TEAD2: variants seen among roughly 807,000 people sequenced by gnomAD.
TEAD2 encodes transcriptional enhancer factor TEF-4.
TEAD2 carries 51 observed loss-of-function variants against 61.4 expected under a neutral mutation model. That is an observed-to-expected ratio of 0.83 (90% CI 0.66 to 1.05). The LOEUF (loss-of-function observed/expected upper bound fraction) is 1.05, where lower values mean the gene tolerates loss of function less well. Among genes scored for constraint, TEAD2 ranks in the 50% least tolerant of loss-of-function variants. The pLI is 0.00. For synonymous variants in TEAD2, 244 were observed against 243.2 expected (o/e 1.00, Z -0.03); for missense variants, 509 against 600.0 (o/e 0.85, Z 1.58).
At chr19:49,355,497 G>A (rs991650994) in intron 5 of TEAD2, 78 bp from the exon 6 acceptor site, 18 of 1,256,142 alleles carry the variant, frequency 1.4e-5, no homozygotes, top group Non-Finnish European at 2.0e-5. Flanking sequence ...CCAGGGTGGG[G>A]TGAAGACGGG....
chr19:49,355,006 A>AATACATAC (rs1185618239), intron 7 of TEAD2, 142 bp downstream of exon 7: 14 of 540,026 alleles, frequency 2.6e-5, no homozygotes, highest in Admixed American at 2.4e-4. Context: ...CATGTCAATA[A>AATACATAC]ATACATACAT....
Position 49,347,343 on chromosome 19 carries a change from C to T in TEAD2, c.768G>A (p.Val256=). The change falls in exon 10 of 13, where the codon GTG becomes GTA. Residue 256 remains valine (V), a synonymous_variant. Transcript: ENST00000593945. ...GGCTGGGGCAGTGCTGGCTGATGTG[C>T]ACGAACAGGTGCCTCTGGTACTGAG... is the stretch of plus-strand genomic sequence containing the variant. ...AVDSYQRHLF[V]HISQHCPSPG... is the part of the protein sequence containing the mutation. The T allele has an allele frequency of 6.2e-7, 1 of 1,611,078 alleles. No individual in the cohort carries two copies.
chr19:49,350,075 A>C (rs1300367981), intron 8 of TEAD2, among the ~76,000 whole-genome samples: 4 of 152,216 alleles, frequency 2.6e-5, no homozygotes, highest in Non-Finnish European at 5.9e-5. Flanking sequence ...ATGGAAACTA[A>C]GGGACTCCCT....
intron 11 of TEAD2, 133 bp downstream of exon 11, chr19:49,343,098 G>A (rs201658675): frequency 1.2e-4 from 129 of 1,047,962 alleles, no homozygotes; most frequent in Admixed American, 4.5e-4. Flanking sequence ...AGCTCCCAAC[G>A]CATGCATTAA....
At chr19:49,342,342 G>T in intron 12 of TEAD2, 96 bp downstream of exon 12, 1 of 1,498,096 alleles carries the variant, frequency 6.7e-7, no homozygotes. Flanking sequence ...TGCTGTGTCA[G>T]TTCCTGGGTG....
intron 9 of TEAD2, among the ~76,000 whole-genome samples, chr19:49,348,327 G>A (rs1955053650): frequency 6.6e-6 from 1 of 152,176 alleles, no homozygotes. Flanking sequence ...TCTTTTCCAA[G>A]TTCCTAGTAT....
rs370108099 is a variant in TEAD2 at position 49,347,218 on chromosome 19, G to A, written c.893C>T (p.Pro298Leu). The A allele has an allele frequency of 6.2e-6, 10 of 1,614,058 alleles. No individual in the cohort carries two copies. The highest frequency in any genetic ancestry group is 8.5e-6 in the Non-Finnish European group (10 of 1,179,986). ...GAACTTGACCAGGAAGAAGGCATGG[G>A]GGGGGCCACGATCATATAGCTCTCG... ...GLRELYDRGP[P>L]HAFFLVKFWA... is the part of the protein sequence containing the mutation. Residue 298 changes from proline (P) to leucine (L), a missense_variant, in exon 10 of 13, where the codon CCC (proline) becomes CTC (leucine). Coordinates refer to ENST00000593945, the MANE Select transcript of TEAD2 (RefSeq NM_001256660.2).
chr19:49,358,363 T>C (rs1275580201), intron 3 of TEAD2, among the ~76,000 whole-genome samples: 2 of 152,090 alleles, frequency 1.3e-5, no homozygotes, highest in African/African-American at 4.8e-5. Flanking sequence ...TGCAGTGAGC[T>C]GAGATCACGG....
rs904573028 is a variant in TEAD2 at position 49,341,022 on chromosome 19, TG to T, written c.*301del. On this transcript the variant is annotated 3_prime_UTR_variant, in exon 13 of 13. Transcript: ENST00000593945. This position sits in a 1 kb window ranked among gnomAD's most constrained non-coding sequence, Gnocchi z 4.2. ...TGAAAAGAAAAGCCAGTGCTGTACC[TG>T]GGGGGTTGTCTCACTCCTGTCCCCA... 2.3e-5 allele frequency: 7 copies of T among 301,796 alleles called. No homozygotes were observed. The highest frequency in any genetic ancestry group is 9.2e-5 in the South Asian group (2 of 21,742). 18.7% of individuals were successfully genotyped at this position (301,796 alleles called of 1,614,324 possible).
chr19:49,356,064 C>A (rs1972372951), intron 4 of TEAD2, 94 bp from the exon 5 acceptor site: 3 of 968,270 alleles, frequency 3.1e-6, no homozygotes, highest in Non-Finnish European at 4.0e-6. Context: ...GCCCTACCCG[C>A]CCGCACAGCC....
chr19:49,357,030 C>T (rs1397313757), intron 4 of TEAD2, among the ~76,000 whole-genome samples: 1 of 151,808 alleles, frequency 6.6e-6, no homozygotes, highest in Non-Finnish European at 1.5e-5. Context: ...CTGTCCTCCT[C>T]TCTTTCTGGG....
chr19:49,355,857 TG>T, intron 5 of TEAD2, 101 bp downstream of exon 5: 2 of 1,088,794 alleles, frequency 1.8e-6, no homozygotes, highest in Non-Finnish European at 2.4e-6. Flanking sequence ...AGGCTTGGGT[TG>T]GGGGAGGGTT....
chr19:49,346,957 G>T (rs1409374620), intron 10 of TEAD2, among the ~76,000 whole-genome samples: 1 of 152,206 alleles, frequency 6.6e-6, no homozygotes, highest in East Asian at 1.9e-4. Context: ...TTAGTTACAT[G>T]TGGCAATGTC....
At chr19:49,350,004 G>C (rs1197551449) in intron 8 of TEAD2, among the ~76,000 whole-genome samples, 2 of 152,146 alleles carry the variant, frequency 1.3e-5, no homozygotes, top group African/African-American at 4.8e-5. Context: ...TACTATTTAA[G>C]GCACTTTTAA....
At chr19:49,358,636 CTTTT>C (rs113776627) in intron 3 of TEAD2, among the ~76,000 whole-genome samples, 1 of 141,046 alleles carries the variant, frequency 7.1e-6, no homozygotes, top group Non-Finnish European at 1.6e-5. Context: ...TTCTTTCTTT[CTTTT>C]TTTTTTTTTT....
rs763945537 is a variant in TEAD2, at chr19:49,359,815, G to T, written c.232+29C>A. On this transcript the variant is annotated intron_variant, in intron 2 of 12. Coordinates refer to ENST00000593945, the MANE Select transcript of TEAD2 (RefSeq NM_001256660.2). This position sits in a 1 kb window ranked among gnomAD's most constrained non-coding sequence, Gnocchi z 4.1. The stretch of plus-strand genomic sequence containing the variant: ...TTACTGTCATTATTCATCAGTGGGG[G>T]CCAGGGCAAAAGACAGAAGTAGACT... 3.1e-6 allele frequency: 5 copies of T among 1,603,844 alleles called. No individual in the cohort carries two copies. The Admixed American group carries it at 6.7e-5, about 21-fold the overall frequency.
chr19:49,359,464 T>C lies in TEAD2; in HGVS notation c.268A>G (p.Arg90Gly). Reference sequence around the variant, plus strand: ...TTTCGAGTTCGGGTCTTCCCCGTTCTCAGCTTGATGTAGCGGGCGATCAGT... The same window carrying C: ...TTTCGAGTTCGGGTCTTCCCCGTTCCCAGCTTGATGTAGCGGGCGATCAGT... ...NELIARYIKLRTGKTRTRKQV... is the reference protein window; with the variant it reads ...NELIARYIKLGTGKTRTRKQV... The change falls in exon 3 of 13, where the codon AGA becomes GGA. Residue 90 changes from arginine to glycine, a missense_variant. Arg to Gly is a moderately radical substitution (Grantham distance 125). Coordinates refer to ENST00000593945, the MANE Select transcript of TEAD2 (RefSeq NM_001256660.2). The surrounding 1 kb of genome is among the most constrained non-coding windows in gnomAD (Gnocchi z 4.1). The C allele has an allele frequency of 6.2e-7, 1 of 1,614,076 alleles. No homozygotes were observed. Among genetic ancestry groups the C allele is most frequent in the South Asian group, 1.1e-5 (1 of 91,076 alleles).
At chr19:49,347,452 C>G in intron 9 of TEAD2, 89 bp from the exon 10 acceptor site, 1 of 1,468,214 alleles carries the variant, frequency 6.8e-7, no homozygotes, top group Non-Finnish European at 9.3e-7. Context: ...CGTCACCATC[C>G]CCACAGCTCT....
Position 49,359,811 on chromosome 19 carries a change from G to C in TEAD2, c.232+33C>G, listed in dbSNP as rs1176568650. ...TTGGTTACTGTCATTATTCATCAGT[G>C]GGGGCCAGGGCAAAAGACAGAAGTA... is the stretch of plus-strand genomic sequence containing the variant. On this transcript the variant is annotated intron_variant, in intron 2 of 12. Transcript: ENST00000593945. The surrounding 1 kb of genome is among the most constrained non-coding windows in gnomAD (Gnocchi z 4.1). 3 of 1,600,296 alleles carry C rather than the reference G, an allele frequency of 1.9e-6. No individual in the cohort carries two copies. The highest frequency in any genetic ancestry group is 1.3e-5 in the African/African-American group (1 of 74,848).
Sources: gnomAD v4.1 joint callset for allele counts (sites outside exome capture counted in the v4.1 genomes callset) on GRCh38, gnomAD v4.1.1 for gene constraint, Gnocchi (gnomAD v3.1) non-coding constraint, MANE v1.5 for transcripts, NCBI Gene and HGNC (gene_info 2026-07-23, HGNC 2026-07-21) for gene names.